PTPRT: variants seen among roughly 807,000 people sequenced by gnomAD.
PTPRT encodes receptor-type tyrosine-protein phosphatase T.
PTPRT carries 56 observed loss-of-function variants against 176.8 expected under a neutral mutation model. The ratio of observed to expected loss-of-function variants is 0.32; its 90% CI spans 0.26 to 0.40. PTPRT has a LOEUF of 0.40. Ranked by LOEUF, PTPRT falls within the 10% of genes least tolerant of loss-of-function variation. PTPRT has a pLI of 1.00. For missense variants in PTPRT, 1,540 were observed against 1,908.2 expected (o/e 0.81, Z 3.60); for synonymous variants, 783 against 739.0 (o/e 1.06, Z -0.96).
intron 2 of PTPRT, among the ~76,000 whole-genome samples, chr20:42,819,956 C>A (rs140812433): frequency 5.3e-4 from 80 of 152,252 alleles, no homozygotes; most frequent in African/African-American, 1.9e-3. Flanking sequence ...CAGATTCCCA[C>A]ACAATAATAT....
chr20:42,781,369 C>A (rs781644092), intron 3 of PTPRT, among the ~76,000 whole-genome samples: 143 of 152,262 alleles, frequency 9.4e-4, no homozygotes, highest in Middle Eastern at 3.4e-3. Flanking sequence ...CCCACATCTT[C>A]AAGAGGCAAG....
chr20:43,070,221 T>G (rs8116579), intron 1 of PTPRT, among the ~76,000 whole-genome samples: 1 of 152,302 alleles, frequency 6.6e-6, no homozygotes, highest in South Asian at 2.1e-4. Flanking sequence ...CCAGATGCTG[T>G]GGGCTCACAG....
chr20:42,180,370 T>C (rs886337024), intron 16 of PTPRT, among the ~76,000 whole-genome samples: 1 of 152,202 alleles, frequency 6.6e-6, no homozygotes, highest in African/African-American at 2.4e-5. Flanking sequence ...TTAAAGTCTT[T>C]AGTCAGATGT....
At chr20:43,105,731 A>G (rs1296851008) in intron 1 of PTPRT, among the ~76,000 whole-genome samples, 1 of 152,210 alleles carries the variant, frequency 6.6e-6, no homozygotes, top group Non-Finnish European at 1.5e-5. Context: ...CTCATCACAT[A>G]AAATTCTTCA....
chr20:42,832,862 G>A (rs996277319), intron 2 of PTPRT, among the ~76,000 whole-genome samples: 19 of 148,636 alleles, frequency 1.3e-4, no homozygotes, highest in Admixed American at 5.4e-4. Flanking sequence ...TCAGTACTTC[G>A]GGAGACAGAG....
At chr20:42,136,267 G>C (rs1600572072) in intron 18 of PTPRT, among the ~76,000 whole-genome samples, 1 of 92,522 alleles carries the variant, frequency 1.1e-5, no homozygotes, top group East Asian at 3.9e-4. Context: ...TCAGAGAAAA[G>C]AGATTTGACT....
intron 1 of PTPRT, among the ~76,000 whole-genome samples, chr20:43,133,747 CAAAA>C (rs11366438): frequency 8.8e-5 from 11 of 124,864 alleles, no homozygotes; most frequent in East Asian, 2.3e-4. Flanking sequence ...GACTCTGTCT[CAAAA>C]AAAAAAAAAA....
At chr20:42,572,872 T>C (rs186829470) in intron 7 of PTPRT, among the ~76,000 whole-genome samples, 89 of 149,748 alleles carry the variant, frequency 5.9e-4, no homozygotes, top group African/African-American at 2.0e-3. Flanking sequence ...AGTTACTAAG[T>C]CCCCTAAGGC....
chr20:42,450,157 T>A (rs2070802726), intron 8 of PTPRT, among the ~76,000 whole-genome samples: 1 of 152,392 alleles, frequency 6.6e-6, no homozygotes, highest in South Asian at 2.1e-4. Context: ...TGGTTTGAAT[T>A]CTTCATGATT....
chr20:42,894,723 T>C (rs144349982), intron 1 of PTPRT, among the ~76,000 whole-genome samples: 1 of 152,300 alleles, frequency 6.6e-6, no homozygotes, highest in Non-Finnish European at 1.5e-5. Flanking sequence ...CCCTGTAAAA[T>C]GGCATTCAGC....
At chr20:42,740,060 C>T (rs1454464025) in intron 6 of PTPRT, among the ~76,000 whole-genome samples, 1 of 152,186 alleles carries the variant, frequency 6.6e-6, no homozygotes, top group Non-Finnish European at 1.5e-5. Context: ...ATCGGACGCT[C>T]AACCCTGTCA....
chr20:42,634,030 TATTATA>T (rs2074517263), intron 7 of PTPRT, among the ~76,000 whole-genome samples: 1 of 28,792 alleles, frequency 3.5e-5, no homozygotes, highest in Non-Finnish European at 5.5e-5. Context: ...ATAATATATA[TATTATA>T]TATATTATAT....
At chr20:42,864,478 G>A (rs1348828329) in intron 2 of PTPRT, among the ~76,000 whole-genome samples, 2 of 152,176 alleles carry the variant, frequency 1.3e-5, no homozygotes, top group Admixed American at 6.5e-5. Flanking sequence ...GATGGTGATG[G>A]AGGAGACCCA....
At chr20:42,357,503 T>C (rs945313669) in intron 9 of PTPRT, among the ~76,000 whole-genome samples, 4 of 152,200 alleles carry the variant, frequency 2.6e-5, no homozygotes, top group Non-Finnish European at 5.9e-5. Flanking sequence ...AGGGAAAAAT[T>C]ATAATTCTAA....
chr20:42,226,533 A>T lies in PTPRT; in HGVS notation c.2342+9696T>A, dbSNP rs61410008. The stretch of plus-strand genomic sequence containing the variant: ...ATCATTAGCATCATCATCAACATTG[A>T]GGGGCTTAACTAAAGCATTTCCTTC... On this transcript the variant is annotated intron_variant, in intron 15 of 30. Coordinates refer to ENST00000373187, the MANE Select transcript of PTPRT (RefSeq NM_007050.6). Among the ~76,000 whole-genome samples, 128 of 152,300 alleles carry T rather than the reference A, an allele frequency of 8.4e-4. 1 individual carries two copies. The East Asian group carries it at 0.021, about 25-fold the overall frequency.
At chr20:42,115,383 T>C (rs1008308437) in intron 21 of PTPRT, 68 bp from the exon 22 acceptor site, 43 of 1,176,062 alleles carry the variant, frequency 3.7e-5, no homozygotes, top group Non-Finnish European at 4.8e-5. Context: ...CATGGCTGAG[T>C]GTGAGCAGCT....
chr20:42,159,344 C>A (rs1989488042), intron 17 of PTPRT, among the ~76,000 whole-genome samples: 2 of 151,796 alleles, frequency 1.3e-5, no homozygotes, highest in Non-Finnish European at 2.9e-5. Context: ...TAAAATATAA[C>A]CCATCCTCTG....
intron 7 of PTPRT, among the ~76,000 whole-genome samples, chr20:42,626,557 C>T (rs1357465634): frequency 6.6e-6 from 1 of 152,190 alleles, no homozygotes; most frequent in Non-Finnish European, 1.5e-5. Context: ...CTACATTGCC[C>T]TCTACACTTT....
At chr20:42,150,079 TTTC>T (rs1989057692) in intron 17 of PTPRT, among the ~76,000 whole-genome samples, 1 of 152,340 alleles carries the variant, frequency 6.6e-6, no homozygotes, top group South Asian at 2.1e-4. Flanking sequence ...TGGCTGATTT[TTTC>T]TTCTACCTGG....
Sources: gnomAD v4.1 joint callset for allele counts (sites outside exome capture counted in the v4.1 genomes callset) on GRCh38, gnomAD v4.1.1 for gene constraint, MANE v1.5 for transcripts, NCBI Gene and HGNC (gene_info 2026-07-23, HGNC 2026-07-21) for gene names.